Variants in FHOD3 observed in about 807,000 individuals in gnomAD.
The protein encoded by FHOD3 is FH1/FH2 domain-containing protein 3.
A neutral mutation model predicts 173.0 loss-of-function variants in FHOD3; 90 were observed. That is an observed-to-expected ratio of 0.52 (90% CI 0.44 to 0.62). FHOD3 has a LOEUF of 0.62. Among genes scored for constraint, FHOD3 ranks in the 20% least tolerant of loss-of-function variants. The pLI is 0.00. For synonymous variants in FHOD3, 828 were observed against 823.0 expected, an observed-to-expected ratio of 1.01 and a Z score of -0.10; for missense variants, 1,945 against 2,034.7, an observed-to-expected ratio of 0.96 and a Z score of 0.85.
intron 10 of FHOD3, 78 bp downstream of exon 10, chr18:36,625,827 C>T (rs1051768423): frequency 3.2e-6 from 4 of 1,264,330 alleles, no homozygotes; most frequent in Admixed American, 2.2e-5. Flanking sequence ...GCCACTCTCC[C>T]CTCCCTGCTG....
In FHOD3 at chr18:36,482,822, A is replaced by AACACACACACACACAC. The variant is rs1202251220; in HGVS notation, c.338-19101_338-19086dup. 2.4e-4 allele frequency among the ~76,000 whole-genome samples: 22 copies of AACACACACACACACAC among 92,614 alleles called. 1 individual carries two copies. Among genetic ancestry groups the AACACACACACACACAC allele is most frequent in the African/African-American group, 9.8e-4 (21 of 21,350 alleles). 60.8% of individuals were successfully genotyped at this position (92,614 alleles called of 152,430 possible). On this transcript the variant is annotated intron_variant, in intron 3 of 28. Coordinates refer to ENST00000590592, the MANE Select transcript of FHOD3 (RefSeq NM_001281740.3). ...CTATTCCGAGATCATCCGGTGAACA[A>AACACACACACACACAC]ACACACACACACACACACACACACT... is the stretch of plus-strand genomic sequence containing the variant.
At chr18:36,753,861 G>A (rs941812804) in intron 24 of FHOD3, among the ~76,000 whole-genome samples, 1 of 152,158 alleles carries the variant, frequency 6.6e-6, no homozygotes, top group Non-Finnish European at 1.5e-5. Flanking sequence ...TAGGAGAAAT[G>A]TCTATTCAAA....
Position 36,540,901 on chromosome 18 carries a change from G to T in FHOD3, c.511+28358G>T, listed in dbSNP as rs532308195. 6.8e-4 allele frequency among the ~76,000 whole-genome samples: 103 copies of T among 152,270 alleles called. 1 individual carries two copies. Among genetic ancestry groups the T allele is most frequent in the African/African-American group, 2.3e-3 (96 of 41,548 alleles). ...GTGTACCCGCAACAACAGTAAATGT[G>T]TTTGGTTCTGTTTTGTTTCTTTTCC... On this transcript the variant is annotated intron_variant, in intron 5 of 28. Transcript: ENST00000590592.
intron 19 of FHOD3, among the ~76,000 whole-genome samples, chr18:36,720,925 G>C (rs2040751270): frequency 6.6e-6 from 1 of 152,120 alleles, no homozygotes; most frequent in Non-Finnish European, 1.5e-5. Context: ...TGGAGTAAAA[G>C]TATGGAGGTG....
chr18:36,314,240 C>T (rs2092316270), intron 1 of FHOD3, among the ~76,000 whole-genome samples: 1 of 152,220 alleles, frequency 6.6e-6, no homozygotes, highest in Admixed American at 6.5e-5. Flanking sequence ...TCATCCTGGG[C>T]TCTGACGTCA....
rs34287129 is a variant in FHOD3 at position 36,602,837 on chromosome 18, A to G, written c.813+69A>G. On this transcript the variant is annotated intron_variant, in intron 8 of 28. Transcript: ENST00000590592. ...ATATGTTAAAGCCCTGACCCCTGGT[A>G]TCTGTGCTTGTGGGCTTATTTGGAA... 348,931 of 1,210,196 alleles carry G rather than the reference A, an allele frequency of 0.29. 52,908 individuals are homozygous for G. Among genetic ancestry groups the G allele is most frequent in the East Asian group, 0.39 (16,751 of 42,840 alleles). 75.0% of individuals were successfully genotyped at this position (1,210,196 alleles called of 1,614,324 possible). A position where few individuals can be genotyped will look rare whatever the true frequency, so the allele number is the denominator to read the frequency against.
At chr18:36,550,079 T>C (rs910239972) in intron 5 of FHOD3, among the ~76,000 whole-genome samples, 3 of 151,800 alleles carry the variant, frequency 2.0e-5, no homozygotes, top group African/African-American at 7.3e-5. Flanking sequence ...TTCTATCTTT[T>C]ATTAGCGAAA....
At chr18:36,433,619 T>A (rs1019276620) in intron 3 of FHOD3, among the ~76,000 whole-genome samples, 1 of 152,194 alleles carries the variant, frequency 6.6e-6, no homozygotes, top group East Asian at 1.9e-4. Context: ...CAGCAAGATA[T>A]GAACAGAAAG....
At chr18:36,312,272 C>G (rs1349058074) in intron 1 of FHOD3, among the ~76,000 whole-genome samples, 1 of 152,190 alleles carries the variant, frequency 6.6e-6, no homozygotes, top group Non-Finnish European at 1.5e-5. Flanking sequence ...TCTGCTCCCT[C>G]TGGCTGTTTG....
At chr18:36,617,090 T>A (rs1312953495) in intron 9 of FHOD3, among the ~76,000 whole-genome samples, 1 of 152,248 alleles carries the variant, frequency 6.6e-6, no homozygotes, top group African/African-American at 2.4e-5. Flanking sequence ...TGAGTTTATT[T>A]ACTATAAGTA....
rs577841998 is a variant in FHOD3 at position 36,747,308 on chromosome 18, T to C, written c.4232+173T>C. Among the ~76,000 whole-genome samples, 3 of 152,336 alleles carry C rather than the reference T, an allele frequency of 2.0e-5. No homozygotes were observed. In the South Asian group the frequency reaches 6.2e-4, roughly 32 times the overall value. Reference sequence around the variant, plus strand: ...AGTTTCATGGATAATTAATTTTTCTTACACAATAATATAATGCCATCAAAC... The same window carrying C: ...AGTTTCATGGATAATTAATTTTTCTCACACAATAATATAATGCCATCAAAC... On this transcript the variant is annotated intron_variant, in intron 24 of 28. Transcript: ENST00000590592.
At chr18:36,721,721 A>G (rs2149810065) in intron 19 of FHOD3, among the ~76,000 whole-genome samples, 1 of 152,352 alleles carries the variant, frequency 6.6e-6, no homozygotes, top group Non-Finnish European at 1.5e-5. Context: ...ACCACTGTAG[A>G]TATAACCAAT....
At chr18:36,337,522 C>A (rs991057928) in intron 1 of FHOD3, among the ~76,000 whole-genome samples, 2 of 152,196 alleles carry the variant, frequency 1.3e-5, no homozygotes, top group Non-Finnish European at 2.9e-5. Context: ...CTTTTGCTGT[C>A]CCCTGCATGT....
chr18:36,348,615 G>C lies in FHOD3; in HGVS notation c.166-6924G>C, dbSNP rs1018370687. On this transcript the variant is annotated intron_variant, in intron 1 of 28. Transcript: ENST00000590592. ...ACTTCGTGTGTTCTTGCCTCCTGCT[G>C]TGTCCTCTCCTGTGTGGGAGGGTCC... Among the ~76,000 whole-genome samples, 3 of 152,268 alleles carry C rather than the reference G, an allele frequency of 2.0e-5. No individual in the cohort carries two copies. The East Asian group carries it at 5.8e-4, about 29-fold the overall frequency.
At chr18:36,748,380 ACAAC>A (rs1189412670) in intron 24 of FHOD3, among the ~76,000 whole-genome samples, 10 of 121,212 alleles carry the variant, frequency 8.3e-5, no homozygotes, top group African/African-American at 2.0e-4. Flanking sequence ...ACACACACAC[ACAAC>A]ACACACACAC....
intron 3 of FHOD3, among the ~76,000 whole-genome samples, chr18:36,491,086 GA>G (rs2054444732): frequency 6.6e-6 from 1 of 152,182 alleles, no homozygotes; most frequent in Admixed American, 6.5e-5. Flanking sequence ...GGAGATCACA[GA>G]AGTGTGCATG....
At chr18:36,722,062 A>G (rs975489416) in intron 19 of FHOD3, among the ~76,000 whole-genome samples, 3 of 152,192 alleles carry the variant, frequency 2.0e-5, no homozygotes, top group Non-Finnish European at 2.9e-5. Flanking sequence ...TTCTTTCAAA[A>G]TAGTTTCTGG....
At chr18:36,498,945 A>G (rs1389787222) in intron 3 of FHOD3, among the ~76,000 whole-genome samples, 1 of 152,248 alleles carries the variant, frequency 6.6e-6, no homozygotes, top group Non-Finnish European at 1.5e-5. Flanking sequence ...ATTTAGATGA[A>G]TCAGAAACAA....
At chr18:36,546,156 C>T (rs2057402349) in intron 5 of FHOD3, among the ~76,000 whole-genome samples, 1 of 152,232 alleles carries the variant, frequency 6.6e-6, no homozygotes, top group East Asian at 1.9e-4. Context: ...CCTGCATTGG[C>T]TCTGGCTGGT....
Sources: allele counts gnomAD v4.1 joint callset (sites outside exome capture counted in the v4.1 genomes callset), GRCh38; gene constraint gnomAD v4.1.1; transcripts MANE v1.5; gene names NCBI Gene and HGNC (gene_info 2026-07-23, HGNC 2026-07-21).